SPAG16: variants seen among roughly 807,000 people sequenced by gnomAD.
SPAG16 encodes the protein sperm associated antigen 16.
SPAG16 carries 86 observed loss-of-function variants against 80.4 expected under a neutral mutation model. The observed-to-expected ratio is 1.07, with a 90% CI of 0.90 to 1.28. The LOEUF (loss-of-function observed/expected upper bound fraction) is 1.28. Ranked by LOEUF, SPAG16 falls within the 50% of genes most tolerant of loss-of-function variation. SPAG16 has a pLI of 0.00. For synonymous variants in SPAG16, 294 were observed against 265.9 expected (o/e 1.11, Z -1.03); for missense variants, 870 against 765.3 (o/e 1.14, Z -1.61).
chr2:214,057,853 G>A (rs1167685855), intron 13 of SPAG16, among the ~76,000 whole-genome samples: 2 of 151,812 alleles, frequency 1.3e-5, no homozygotes, highest in Admixed American at 1.3e-4. Context: ...TGCACTTTAT[G>A]TTATGGAGAT....
chr2:213,784,562 T>G (rs1486299388), intron 10 of SPAG16, among the ~76,000 whole-genome samples: 1 of 138,504 alleles, frequency 7.2e-6, no homozygotes, highest in Admixed American at 8.1e-5. Context: ...TAAAATTGTA[T>G]CACTTACAGT....
intron 7 of SPAG16, among the ~76,000 whole-genome samples, chr2:213,354,009 A>G (rs1425381647): frequency 6.6e-6 from 1 of 152,170 alleles, no homozygotes; most frequent in Non-Finnish European, 1.5e-5. Context: ...TACATTAGGT[A>G]TTTCTCTTAA....
rs200516083 is a variant in SPAG16, at chr2:214,399,321, C to CT, written c.1721-10811dup. Among the ~76,000 whole-genome samples, 157 of 152,076 alleles carry CT rather than the reference C, an allele frequency of 1.0e-3. 1 individual carries two copies. The East Asian group carries it at 0.024, about 24-fold the overall frequency. On this transcript the variant is annotated intron_variant, in intron 15 of 15. Coordinates refer to ENST00000331683, the MANE Select transcript of SPAG16 (RefSeq NM_024532.5). ...ATTCTTTTATCACATATTTGCATAT[C>CT]TTTTTTTTACTATAACTATTAATGG...
In SPAG16 at chr2:214,139,396, A is replaced by C. The variant is rs2055232071; in HGVS notation, c.1594-9744A>C. 2.6e-5 allele frequency among the ~76,000 whole-genome samples: 4 copies of C among 151,762 alleles called. No homozygotes were observed. In the South Asian group the frequency reaches 8.3e-4, roughly 31 times the overall value. On this transcript the variant is annotated intron_variant, in intron 14 of 15. Transcript: ENST00000331683. Reference sequence around the variant, plus strand: ...TTGTCTGTTTTTGACAAACCTTTCAATTTGTCTGTCTACACTTTTCAAAGA... The same window carrying C: ...TTGTCTGTTTTTGACAAACCTTTCACTTTGTCTGTCTACACTTTTCAAAGA...
intron 10 of SPAG16, among the ~76,000 whole-genome samples, chr2:213,622,891 A>G (rs528057216): frequency 1.3e-5 from 2 of 152,298 alleles, no homozygotes; most frequent in South Asian, 2.1e-4. Flanking sequence ...ATGTAACTCT[A>G]TACCTTTCAT....
At chr2:213,864,633 CTTTATT>C (rs2075614012) in intron 11 of SPAG16, among the ~76,000 whole-genome samples, 1 of 151,924 alleles carries the variant, frequency 6.6e-6, no homozygotes, top group South Asian at 2.1e-4. Flanking sequence ...TTAACATTTC[CTTTATT>C]TTTAATTTCA....
At chr2:213,671,735 C>T (rs1481871495) in intron 10 of SPAG16, among the ~76,000 whole-genome samples, 1 of 152,114 alleles carries the variant, frequency 6.6e-6, no homozygotes, top group African/African-American at 2.4e-5. Flanking sequence ...TCAGTTATGG[C>T]CAGGGTGCTG....
intron 9 of SPAG16, among the ~76,000 whole-genome samples, chr2:213,429,169 C>T (rs2070135110): frequency 6.6e-6 from 1 of 151,968 alleles, no homozygotes; most frequent in Non-Finnish European, 1.5e-5. Context: ...CTGCCTCTGC[C>T]TTCCTGTGCC....
intron 10 of SPAG16, among the ~76,000 whole-genome samples, chr2:213,708,795 GA>G (rs1056096296): frequency 2.8e-4 from 42 of 152,110 alleles, no homozygotes; most frequent in Admixed American, 7.9e-4. Context: ...AAAAAGGGGG[GA>G]AAAAAGTACT....
chr2:213,476,046 C>T (rs1348802729), intron 9 of SPAG16, among the ~76,000 whole-genome samples: 3 of 152,220 alleles, frequency 2.0e-5, no homozygotes, highest in Non-Finnish European at 4.4e-5. Context: ...TTAATTTTTA[C>T]ATCCCCCTGT....
intron 12 of SPAG16, among the ~76,000 whole-genome samples, chr2:213,964,380 A>G (rs1318852749): frequency 1.3e-5 from 2 of 152,166 alleles, no homozygotes; most frequent in Non-Finnish European, 2.9e-5. Context: ...CAGCCTGAAG[A>G]ACACCTTTAG....
intron 10 of SPAG16, among the ~76,000 whole-genome samples, chr2:213,610,580 G>A (rs1204698561): frequency 3.3e-5 from 5 of 152,092 alleles, no homozygotes; most frequent in Admixed American, 3.3e-4. Context: ...TCCCAATCCA[G>A]ACCCCAAAAG....
intron 10 of SPAG16, among the ~76,000 whole-genome samples, chr2:213,515,808 G>C (rs1575807337): frequency 6.6e-6 from 1 of 152,256 alleles, no homozygotes; most frequent in East Asian, 1.9e-4. Context: ...AGCCAGGAAT[G>C]CAAGAGATCT....
rs559994746 is a variant in SPAG16 at position 214,236,643 on chromosome 2, C to T, written c.1720+87377C>T. 4.0e-5 allele frequency among the ~76,000 whole-genome samples: 6 copies of T among 150,980 alleles called. No individual in the cohort carries two copies. In the East Asian group the frequency reaches 1.2e-3, roughly 29 times the overall value. On this transcript the variant is annotated intron_variant, in intron 15 of 15. Transcript: ENST00000331683. ...CTCCATCCTGGGTGACAGAGCGAGA[C>T]TCCGTTTCAAAAAAAAAAAAAGATA...
intron 15 of SPAG16, among the ~76,000 whole-genome samples, chr2:214,213,049 G>A (rs2058337733): frequency 6.6e-6 from 1 of 152,158 alleles, no homozygotes; most frequent in Non-Finnish European, 1.5e-5. Flanking sequence ...CCCGTCATCT[G>A]CTGCCTGAAC....
intron 10 of SPAG16, among the ~76,000 whole-genome samples, chr2:213,540,977 G>C (rs2076425993): frequency 6.6e-6 from 1 of 152,252 alleles, no homozygotes; most frequent in Non-Finnish European, 1.5e-5. Context: ...GTGTGCGTGT[G>C]CACGCAGGTG....
At chr2:213,673,352 T>C (rs948815108) in intron 10 of SPAG16, among the ~76,000 whole-genome samples, 2 of 152,234 alleles carry the variant, frequency 1.3e-5, no homozygotes, top group Admixed American at 6.5e-5. Context: ...ATAATGTTAC[T>C]ATAGGCAGAG....
At chr2:214,206,531 C>T (rs138898180) in intron 15 of SPAG16, among the ~76,000 whole-genome samples, 29 of 152,252 alleles carry the variant, frequency 1.9e-4, no homozygotes, top group African/African-American at 7.0e-4. Flanking sequence ...TTGATGGACA[C>T]TTAAGCTGAT....
At chr2:213,620,476 T>C (rs2061740536) in intron 10 of SPAG16, among the ~76,000 whole-genome samples, 1 of 151,740 alleles carries the variant, frequency 6.6e-6, no homozygotes, top group Non-Finnish European at 1.5e-5. Context: ...GTATTTTTAG[T>C]AGAGATAGGG....
Sources: gnomAD v4.1 joint callset for allele counts (sites outside exome capture counted in the v4.1 genomes callset) on GRCh38, gnomAD v4.1.1 for gene constraint, MANE v1.5 for transcripts, NCBI Gene and HGNC (gene_info 2026-07-23, HGNC 2026-07-21) for gene names.